The following KCNK10 variants were observed in gnomAD, a reference collection of about 807,000 sequenced individuals.
The protein encoded by KCNK10 is potassium two pore domain channel subfamily K member 10, also known as potassium channel subfamily K member 10.
A neutral mutation model predicts 47.7 loss-of-function variants in KCNK10; 25 were observed. That is an observed-to-expected ratio of 0.52 (90% CI 0.38 to 0.73). The LOEUF (loss-of-function observed/expected upper bound fraction) is 0.73. KCNK10 is among the 30% of genes least tolerant of loss of function. The pLI is 0.00. For missense variants in KCNK10, 563 were observed against 714.5 expected (o/e 0.79, Z 2.42); for synonymous variants, 303 against 285.6 (o/e 1.06, Z -0.61).
chr14:88,326,831 C>G (rs1321811238), upstream of KCNK10: 1 of 251,362 alleles, frequency 4.0e-6, no homozygotes, highest in African/African-American at 2.3e-5. Context: ...GAAGTTTCCC[C>G]GAGTTGGCTG....
chr14:88,212,123 T>TC (rs1171531912), intron 4 of KCNK10, among the ~76,000 whole-genome samples: 1 of 73,974 alleles, frequency 1.4e-5, no homozygotes, highest in East Asian at 2.8e-4. Flanking sequence ...TATATATATA[T>TC]ATATATATCG....
intron 1 of KCNK10, among the ~76,000 whole-genome samples, chr14:88,310,271 A>ATACCAT (rs1888300686): frequency 1.8e-5 from 1 of 56,548 alleles, no homozygotes; most frequent in African/African-American, 9.2e-5. Context: ...GGTATATCAT[A>ATACCAT]ATTACTTGAT....
intron 1 of KCNK10, among the ~76,000 whole-genome samples, chr14:88,300,522 G>A (rs1888070676): frequency 6.6e-6 from 1 of 152,122 alleles, no homozygotes; most frequent in Non-Finnish European, 1.5e-5. Flanking sequence ...GAAACCAAAG[G>A]CCAACATGCC....
chr14:88,286,411 T>C (rs1887761190), intron 1 of KCNK10, among the ~76,000 whole-genome samples: 2 of 152,242 alleles, frequency 1.3e-5, no homozygotes, highest in Non-Finnish European at 2.9e-5. Flanking sequence ...TTCATCTATA[T>C]TGTGATAGAG....
intron 2 of KCNK10, among the ~76,000 whole-genome samples, chr14:88,262,668 AC>A (rs1460219035): frequency 6.6e-6 from 1 of 152,050 alleles, no homozygotes; most frequent in African/African-American, 2.4e-5. Context: ...AAAACAGCAA[AC>A]CTGATGATTA....
At chr14:88,307,546 C>T (rs1419111504) in intron 1 of KCNK10, among the ~76,000 whole-genome samples, 1 of 152,110 alleles carries the variant, frequency 6.6e-6, no homozygotes, top group African/African-American at 2.4e-5. Flanking sequence ...GATGATTGCA[C>T]AACTCTGTGA....
chr14:88,267,861 G>T (rs553704012), intron 1 of KCNK10, among the ~76,000 whole-genome samples: 1 of 152,118 alleles, frequency 6.6e-6, no homozygotes, highest in Non-Finnish European at 1.5e-5. Flanking sequence ...GGTGGTGAAG[G>T]TGACAGGAGC....
At chr14:88,245,046 A>G (rs1477952923) in intron 2 of KCNK10, among the ~76,000 whole-genome samples, 1 of 152,192 alleles carries the variant, frequency 6.6e-6, no homozygotes, top group Non-Finnish European at 1.5e-5. Context: ...CTAAGCTGGC[A>G]TTTCCAGCAC....
chr14:88,315,323 C>G (rs113683496), intron 1 of KCNK10, among the ~76,000 whole-genome samples: 1 of 152,166 alleles, frequency 6.6e-6, no homozygotes, highest in Non-Finnish European at 1.5e-5. Context: ...TGGGTAACAA[C>G]ACTCCCCAGT....
At chr14:88,291,062 T>C (rs1446969676) in intron 1 of KCNK10, among the ~76,000 whole-genome samples, 1 of 152,172 alleles carries the variant, frequency 6.6e-6, no homozygotes, top group African/African-American at 2.4e-5. Context: ...TTCCCACACG[T>C]CTTGTACAAA....
At chr14:88,309,810 A>G (rs1457022151) in intron 1 of KCNK10, among the ~76,000 whole-genome samples, 1 of 152,100 alleles carries the variant, frequency 6.6e-6, no homozygotes, top group African/African-American at 2.4e-5. Flanking sequence ...TGGATATCTT[A>G]AAAGTTCCTT....
intron 4 of KCNK10, among the ~76,000 whole-genome samples, chr14:88,220,754 A>T (rs995325157): frequency 3.3e-5 from 5 of 152,014 alleles, no homozygotes; most frequent in Non-Finnish European, 7.4e-5. Flanking sequence ...AAAGTATAAA[A>T]CTCCTAGAAG....
intron 4 of KCNK10, among the ~76,000 whole-genome samples, chr14:88,201,590 G>T (rs1435882760): frequency 6.6e-6 from 1 of 151,934 alleles, no homozygotes; most frequent in Non-Finnish European, 1.5e-5. Flanking sequence ...AACCCGGGAG[G>T]CAGAGCTTGC....
At chr14:88,280,308 T>C (rs561583355) in intron 1 of KCNK10, among the ~76,000 whole-genome samples, 9 of 152,228 alleles carry the variant, frequency 5.9e-5, no homozygotes, top group African/African-American at 2.2e-4. Flanking sequence ...CTCAAGGCTT[T>C]CCTCCACCCT....
At chr14:88,196,982 T>C (rs978370597) in intron 4 of KCNK10, among the ~76,000 whole-genome samples, 3 of 152,232 alleles carry the variant, frequency 2.0e-5, no homozygotes, top group East Asian at 3.8e-4. Context: ...AAAATCTCCA[T>C]GGCAGAGATG....
chr14:88,232,167 T>C (rs1206193143), intron 3 of KCNK10, among the ~76,000 whole-genome samples: 3 of 152,186 alleles, frequency 2.0e-5, no homozygotes, highest in Admixed American at 2.0e-4. Context: ...ACAGCTTAAG[T>C]TCCCAGGAAT....
chr14:88,275,414 C>T (rs1422278502), intron 1 of KCNK10, among the ~76,000 whole-genome samples: 1 of 152,144 alleles, frequency 6.6e-6, no homozygotes, highest in African/African-American at 2.4e-5. Context: ...TTGAATTTAT[C>T]ACCATTGCCA....
chr14:88,198,652 C>A (rs767218151), intron 4 of KCNK10, among the ~76,000 whole-genome samples: 1 of 152,156 alleles, frequency 6.6e-6, no homozygotes, highest in Non-Finnish European at 1.5e-5. Context: ...CGCCCCAGTG[C>A]TTTCCTTGTA....
intron 3 of KCNK10, among the ~76,000 whole-genome samples, chr14:88,232,395 GCT>G (rs1311383595): frequency 6.6e-6 from 1 of 152,182 alleles, no homozygotes; most frequent in East Asian, 1.9e-4. Context: ...GTGGAAAATT[GCT>G]CAGGAAGAAC....
Sources: allele counts gnomAD v4.1 joint callset (sites outside exome capture counted in the v4.1 genomes callset), GRCh38; gene constraint gnomAD v4.1.1; transcripts MANE v1.5; gene names NCBI Gene and HGNC (gene_info 2026-07-23, HGNC 2026-07-21).